The following RDH8 variants were observed in gnomAD, a reference collection of about 807,000 sequenced individuals.
RDH8 encodes retinol dehydrogenase 8, also known as photoreceptor outer segment all-trans retinol dehydrogenase.
RDH8 carries 14 observed loss-of-function variants against 22.3 expected under a neutral mutation model. The ratio of observed to expected loss-of-function variants is 0.63; its 90% CI spans 0.42 to 0.98. The LOEUF (loss-of-function observed/expected upper bound fraction) is 0.98. RDH8 is among the 50% of genes least tolerant of loss of function. RDH8 has a pLI of 0.00. For missense variants in RDH8, 389 were observed against 409.8 expected (o/e 0.95, Z 0.44); for synonymous variants, 175 against 171.7 (o/e 1.02, Z -0.15).
At chr19:10,021,461 C>T (rs1449502959) in intron 5 of RDH8, 23 bp downstream of exon 5, 25 of 1,613,884 alleles carry the variant, frequency 1.5e-5, no homozygotes, top group Non-Finnish European at 2.1e-5. Context: ...CCCAGAGCCC[C>T]AAGACGTGGC....
intron 2 of RDH8, 46 bp from the exon 3 acceptor site, chr19:10,018,685 G>A: frequency 6.8e-7 from 1 of 1,480,534 alleles, no homozygotes. Flanking sequence ...AGTAATGCTA[G>A]AAGAGTGAGG....
intron 3 of RDH8, 64 bp from the exon 4 acceptor site, chr19:10,020,645 C>A: frequency 9.6e-7 from 1 of 1,039,488 alleles, no homozygotes; most frequent in Non-Finnish European, 1.5e-6. Context: ...ACCCCATCAC[C>A]CTGGAACCCA....
In RDH8 at chr19:10,021,628, C is replaced by A; in HGVS notation, c.815C>A (p.Ser272Tyr). Reference sequence around the variant, plus strand: ...CTGACCACGCTCAAAACCGTGGATTCCTCTGGCAGCCTGTATGTGCGAACG... The same window carrying A: ...CTGACCACGCTCAAAACCGTGGATTACTCTGGCAGCCTGTATGTGCGAACG... ...SPLTTLKTVD[S>Y]SGSLYVRTTH... The change falls in exon 6 of 6, where the codon TCC becomes TAC. Residue 272 changes from serine (S) to tyrosine (Y), a missense_variant. Coordinates refer to ENST00000591589, the MANE Select transcript of RDH8 (RefSeq NM_015725.4). The A allele has an allele frequency of 6.2e-7, 1 of 1,613,688 alleles. No individual in the cohort carries two copies. The highest frequency in any genetic ancestry group is 8.5e-7 in the Non-Finnish European group (1 of 1,179,604).
intron 2 of RDH8, 148 bp from the exon 3 acceptor site, chr19:10,018,583 G>C (rs2087636207): frequency 3.3e-6 from 2 of 609,570 alleles, no homozygotes; most frequent in African/African-American, 1.9e-5. Context: ...TGTGTTTAAA[G>C]GTTACCAAGG....
chr19:10,016,027 T>C (rs139676934), intron 1 of RDH8, among the ~76,000 whole-genome samples: 23 of 152,080 alleles, frequency 1.5e-4, no homozygotes, highest in African/African-American at 5.3e-4. Context: ...TTGGCTATAG[T>C]TGTGTATGCA....
intron 1 of RDH8, among the ~76,000 whole-genome samples, chr19:10,015,251 A>C (rs1327667623): frequency 3.9e-5 from 6 of 151,944 alleles, no homozygotes; most frequent in Admixed American, 2.0e-4. Context: ...CAGGAGTTTG[A>C]GACCAGCCTG....
rs2087664165 is a variant in RDH8 at position 10,021,772 on chromosome 19, C to T, written c.*23C>T. 1.4e-5 allele frequency: 23 copies of T among 1,606,574 alleles called. No individual in the cohort carries two copies. The highest frequency in any genetic ancestry group is 2.0e-5 in the Non-Finnish European group (23 of 1,175,524). On this transcript the variant is annotated 3_prime_UTR_variant, in exon 6 of 6. Transcript: ENST00000591589. ...TGAGCAGAACAGAGCTTCACGATCC[C>T]CATCCCTGAACAACCAGACCTCTTC...
Position 10,022,048 on chromosome 19 carries a change from T to A in RDH8, c.*299T>A. 1 of 401,006 alleles carries A rather than the reference T, an allele frequency of 2.5e-6. No homozygotes were observed. The highest frequency in any genetic ancestry group is 4.5e-6 in the Non-Finnish European group (1 of 223,378). 24.8% of individuals were successfully genotyped at this position (401,006 alleles called of 1,614,324 possible). A position where few individuals can be genotyped will look rare whatever the true frequency, so the allele number is the denominator to read the frequency against. On this transcript the variant is annotated 3_prime_UTR_variant, in exon 6 of 6. Transcript: ENST00000591589. ...CTTCCTGGAGGAAGCGGCATTGTTA[T>A]GAGCCTTGAAGGAAGAGACAGACTC...
intron 4 of RDH8, 42 bp downstream of exon 4, chr19:10,020,844 T>C (rs760295615): frequency 1.4e-6 from 2 of 1,422,050 alleles, no homozygotes; most frequent in African/African-American, 1.4e-5. Context: ...GAGCCAGTGA[T>C]GGGGAGGTGG....
intron 3 of RDH8, 29 bp downstream of exon 3, chr19:10,018,939 T>C: frequency 1.3e-6 from 2 of 1,563,512 alleles, no homozygotes; most frequent in Non-Finnish European, 1.7e-6. Context: ...ACCCTGGAAA[T>C]CCCACCAGTG....
chr19:10,018,469 A>G lies in RDH8; in HGVS notation c.263-262A>G, dbSNP rs532904967. On this transcript the variant is annotated intron_variant, in intron 2 of 5. Coordinates refer to ENST00000591589, the MANE Select transcript of RDH8 (RefSeq NM_015725.4). ...AAGGTGGGTGTCGCTGTCTTGATGTAATTTGGGGTCAGAATTGAATTGCTC... is the reference window on the plus strand; with the variant it reads ...AAGGTGGGTGTCGCTGTCTTGATGTGATTTGGGGTCAGAATTGAATTGCTC... 2.0e-5 allele frequency among the ~76,000 whole-genome samples: 3 copies of G among 152,220 alleles called. No homozygotes were observed. In the East Asian group the frequency reaches 5.8e-4, roughly 29 times the overall value.
chr19:10,018,841 G>A lies in RDH8; in HGVS notation c.373G>A (p.Val125Met). The change falls in exon 3 of 6, where the codon GTG becomes ATG. Residue 125 changes from valine (V) to methionine (M), a missense_variant. Val to Met is a conservative substitution (Grantham distance 21). Transcript: ENST00000591589. ...FFGAVRLVKA[V>M]LPGMKRRRQG... ...CGGAGCTGTCCGTCTCGTCAAAGCT[G>A]TGCTTCCAGGCATGAAGAGGAGGCG... 6.2e-7 allele frequency: 1 copy of A among 1,613,908 alleles called. No individual in the cohort carries two copies. The highest frequency in any genetic ancestry group is 8.5e-7 in the Non-Finnish European group (1 of 1,179,882).
intron 2 of RDH8, among the ~76,000 whole-genome samples, 188 bp downstream of exon 2, chr19:10,017,403 G>A (rs533471444): frequency 5.3e-5 from 8 of 152,332 alleles, no homozygotes; most frequent in Non-Finnish European, 8.8e-5. Flanking sequence ...TAAGGGCTGG[G>A]TGCAGTGGCT....
At position 10,021,648 on chromosome 19, in the gene RDH8, C is replaced by A. The variant is rs759794792; in HGVS notation, c.835C>A (p.Arg279=). The stretch of plus-strand genomic sequence containing the variant: ...GGATTCCTCTGGCAGCCTGTATGTG[C>A]GAACGACCCACCGCCTCCTCTTCCG... ...TVDSSGSLYV[R]TTHRLLFRCP... is the part of the protein sequence containing the mutation. The change falls in exon 6 of 6, where the codon CGA becomes AGA. Residue 279 remains arginine (R), a synonymous_variant. Transcript: ENST00000591589. 1 of 1,613,698 alleles carries A rather than the reference C, an allele frequency of 6.2e-7. No homozygotes were observed. The highest frequency in any genetic ancestry group is 8.5e-7 in the Non-Finnish European group (1 of 1,179,684).
At chr19:10,021,175 TAAAAA>T in intron 4 of RDH8, 75 bp from the exon 5 acceptor site, 1 of 1,135,832 alleles carries the variant, frequency 8.8e-7, no homozygotes, top group Non-Finnish European at 1.2e-6. Context: ...CCCTGTATCT[TAAAAA>T]AAAAAAAAAA....
chr19:10,019,487 T>C (rs1452246583), intron 3 of RDH8, among the ~76,000 whole-genome samples: 1 of 151,598 alleles, frequency 6.6e-6, no homozygotes, highest in African/African-American at 2.4e-5. Context: ...CAGGGAGTCC[T>C]CATCACTACT....
chr19:10,015,668 G>A (rs2087607475), intron 1 of RDH8, among the ~76,000 whole-genome samples: 1 of 151,426 alleles, frequency 6.6e-6, no homozygotes, highest in Non-Finnish European at 1.5e-5. Context: ...GCCAGGTGCT[G>A]TGGCTCTCTG....
chr19:10,021,489 T>C, intron 5 of RDH8, 45 bp from the exon 6 acceptor site: 1 of 1,613,696 alleles, frequency 6.2e-7, no homozygotes, highest in Non-Finnish European at 8.5e-7. Flanking sequence ...TGTTGCGGGG[T>C]GAGGCCCTCC....
intron 1 of RDH8, 69 bp downstream of exon 1, chr19:10,013,669 C>G: frequency 6.6e-7 from 1 of 1,515,362 alleles, no homozygotes; most frequent in Non-Finnish European, 9.1e-7. Flanking sequence ...GTCTCCCCTA[C>G]CCATCCCTCC....
Sources: gnomAD v4.1 joint callset for allele counts (sites outside exome capture counted in the v4.1 genomes callset) on GRCh38, gnomAD v4.1.1 for gene constraint, MANE v1.5 for transcripts, NCBI Gene and HGNC (gene_info 2026-07-23, HGNC 2026-07-21) for gene names.